BRCA2: variants seen among roughly 807,000 people sequenced by gnomAD.
BRCA2 encodes BRCA2 DNA repair associated.
Under a neutral mutation model 276.7 loss-of-function variants are expected in BRCA2, and 203 were observed. The ratio of observed to expected loss-of-function variants is 0.73; its 90% CI spans 0.65 to 0.82. BRCA2 has a LOEUF of 0.82. Among genes scored for constraint, BRCA2 ranks in the 40% least tolerant of loss-of-function variants. BRCA2 has a pLI of 0.00. For missense variants in BRCA2, 3,920 were observed against 3,915.0 expected, an observed-to-expected ratio of 1.00 and a Z score of -0.03; for synonymous variants, 1,289 against 1,338.4, an observed-to-expected ratio of 0.96 and a Z score of 0.81.
intron 24 of BRCA2, among the ~76,000 whole-genome samples, chr13:32,389,783 T>C (rs1381645884): frequency 6.6e-6 from 1 of 152,214 alleles, no homozygotes; most frequent in African/African-American, 2.4e-5. Flanking sequence ...TCACAATGTA[T>C]CCTGTAACAT....
chr13:32,334,169 G>C (rs1168201376), intron 10 of BRCA2, among the ~76,000 whole-genome samples: 2 of 152,080 alleles, frequency 1.3e-5, no homozygotes, highest in Non-Finnish European at 2.9e-5. Context: ...TGGTATTTTT[G>C]GTTCTAGGTC....
chr13:32,324,333 C>T (rs1179627768), intron 3 of BRCA2, among the ~76,000 whole-genome samples: 2 of 152,096 alleles, frequency 1.3e-5, no homozygotes, highest in African/African-American at 4.8e-5. Flanking sequence ...GTACAAAGTC[C>T]TAGAGGTTAA....
intron 21 of BRCA2, among the ~76,000 whole-genome samples, chr13:32,377,361 G>A (rs929590898): frequency 6.6e-6 from 1 of 152,178 alleles, no homozygotes; most frequent in African/African-American, 2.4e-5. Context: ...GGAGACCGAG[G>A]CAGAAGGATC....
chr13:32,398,235 C>G lies in BRCA2; in HGVS notation c.9722C>G (p.Ser3241Cys), dbSNP rs398122621. The G allele has an allele frequency of 1.9e-6, 3 of 1,613,856 alleles. No homozygotes were observed. The highest frequency in any genetic ancestry group is 2.5e-6 in the Non-Finnish European group (3 of 1,179,958). ...SLCMAKRKSV[S>C]TPVSAQMTSK... ...TGTATGGCCAAAAGGAAGTCTGTTT[C>G]CACACCTGTCTCAGCCCAGATGACT... The change falls in exon 27 of 27, where the codon TCC becomes TGC. Residue 3241 changes from serine to cysteine, a missense_variant. By Grantham distance (112) the Ser-to-Cys change is moderately radical (BLOSUM62 -1). This residue lies in a region of BRCA2 where 657 missense variants were observed against 758.2 expected (regional missense o/e 0.87). Transcript: ENST00000380152.
chr13:32,355,966 G>A (rs2072691172), intron 14 of BRCA2, among the ~76,000 whole-genome samples: 1 of 151,830 alleles, frequency 6.6e-6, no homozygotes, highest in Non-Finnish European at 1.5e-5. Flanking sequence ...AGAATTAAAA[G>A]GGGTACCCTT....
intron 18 of BRCA2, among the ~76,000 whole-genome samples, chr13:32,369,871 G>A (rs764169941): frequency 5.3e-5 from 8 of 152,202 alleles, no homozygotes; most frequent in Non-Finnish European, 8.8e-5. Context: ...ACCTTGCCTG[G>A]CCAAAGATTA....
At chr13:32,370,817 T>C (rs1384691112) in intron 19 of BRCA2, 139 bp from the exon 20 acceptor site, 2 of 1,122,694 alleles carry the variant, frequency 1.8e-6, no homozygotes, top group African/African-American at 1.6e-5. Flanking sequence ...GATCTCGAAC[T>C]CCTGACCTCA....
At position 32,316,517 on chromosome 13, in the gene BRCA2, C is replaced by T. The variant is rs878853592; in HGVS notation, c.57C>T (p.Cys19=). 8.1e-6 allele frequency: 13 copies of T among 1,613,722 alleles called. No homozygotes were observed. The highest frequency in any genetic ancestry group is 1.1e-5 in the Non-Finnish European group (13 of 1,179,700). ...TTTTTGAAATTTTTAAGACACGCTG[C>T]AACAAAGCAGGTATTGACAAATTTT... is the stretch of plus-strand genomic sequence containing the variant. The part of the protein sequence containing the change: ...PTFFEIFKTR[C]NKADLGPISL... The change falls in exon 2 of 27, where the codon TGC becomes TGT. Residue 19 remains cysteine (C), a synonymous_variant. Coordinates refer to ENST00000380152, the MANE Select transcript of BRCA2 (RefSeq NM_000059.4).
intron 9 of BRCA2, 55 bp from the exon 10 acceptor site, chr13:32,332,217 T>C: frequency 6.8e-7 from 1 of 1,461,454 alleles, no homozygotes; most frequent in Non-Finnish European, 9.4e-7. Context: ...GTGAGAATAA[T>C]ATAAATTATA....
chr13:32,373,203 G>T (rs912606610), intron 20 of BRCA2, among the ~76,000 whole-genome samples: 1 of 151,748 alleles, frequency 6.6e-6, no homozygotes, highest in Non-Finnish European at 1.5e-5. Flanking sequence ...TGTTGGCCAG[G>T]CTAGTCTTAA....
At chr13:32,391,959 T>A (rs2072999869) in intron 24 of BRCA2, among the ~76,000 whole-genome samples, 1 of 152,220 alleles carries the variant, frequency 6.6e-6, no homozygotes, top group African/African-American at 2.4e-5. Context: ...TCAATAAACA[T>A]GTATTTTATA....
In BRCA2 at chr13:32,340,906, AG is replaced by A. The variant is rs80359603; in HGVS notation, c.6553del (p.Ala2185LeufsTer6). On this transcript the variant is annotated frameshift_variant, in exon 11 of 27. Transcript: ENST00000380152. LOFTEE classifies it high-confidence loss of function. ...VENIHVLGKE[Q>X]ASPKNVKMEI... ...AACATTCATGTTTTGGGAAAAGAACAGGCTTCACCTAAAAACGTAAAAATGG... is the reference window on the plus strand; with the variant it reads ...AACATTCATGTTTTGGGAAAAGAACAGCTTCACCTAAAAACGTAAAAATGG... 1.2e-6 allele frequency: 2 copies of A among 1,609,108 alleles called. No individual in the cohort carries two copies. Among genetic ancestry groups the A allele is most frequent in the East Asian group, 2.2e-5 (1 of 44,804 alleles).
rs1566237718 is a variant in BRCA2, at chr13:32,346,806, TATAAA to T, written c.6938-16_6938-12del. 6.4e-7 allele frequency: 1 copy of T among 1,570,132 alleles called. No homozygotes were observed. Among genetic ancestry groups the T allele is most frequent in the Admixed American group, 1.7e-5 (1 of 59,166 alleles). ...CTCTTAGATTTTAACTAATATGTAA[TATAAA>T]ATAATTGTTTCCTAGGCACAATAAA... On this transcript the variant is annotated splice_polypyrimidine_tract_variant and intron_variant, in intron 12 of 26. Transcript: ENST00000380152.
At chr13:32,349,871 C>G (rs918649157) in intron 13 of BRCA2, among the ~76,000 whole-genome samples, 3 of 150,988 alleles carry the variant, frequency 2.0e-5, no homozygotes, top group African/African-American at 2.4e-5. Flanking sequence ...GCAACTGTCT[C>G]CTGCCCGCTC....
intron 16 of BRCA2, among the ~76,000 whole-genome samples, chr13:32,360,543 A>T (rs1339467538): frequency 2.0e-5 from 3 of 152,172 alleles, no homozygotes; most frequent in Non-Finnish European, 4.4e-5. Flanking sequence ...TGTTTTTAGT[A>T]GAGACAGGGT....
In BRCA2 at chr13:32,337,348, G is replaced by A. The variant is rs745925418; in HGVS notation, c.2993G>A (p.Gly998Asp). 6.2e-7 allele frequency: 1 copy of A among 1,613,720 alleles called. No homozygotes were observed. Among genetic ancestry groups the A allele is most frequent in the South Asian group, 1.1e-5 (1 of 91,058 alleles). Residue 998 changes from glycine (G) to aspartate (D), a missense_variant, in exon 11 of 27, where the codon GGT becomes GAT. Gly to Asp is a moderately conservative substitution (Grantham distance 94, BLOSUM62 -1). Coordinates refer to ENST00000380152, the MANE Select transcript of BRCA2 (RefSeq NM_000059.4). ...DYMNKWAGLL[G>D]PISNHSFGGS... ...ATGAACAAATGGGCAGGACTCTTAG[G>A]TCCAATTTCAAATCACAGTTTTGGA...
Position 32,340,090 on chromosome 13 carries a change from A to C in BRCA2, c.5735A>C (p.Glu1912Ala), listed in dbSNP as rs1566233113. Residue 1912 changes from glutamate to alanine, a missense_variant, in exon 11 of 27, where the codon GAA becomes GCA. Physicochemically the swap from Glu to Ala is moderately radical, Grantham distance 107. Transcript: ENST00000380152. ...DILHNSLDND[E>A]CSTHSHKVFA... is the part of the protein sequence containing the mutation. ...CTTCATAACTCTCTAGATAATGATG[A>C]ATGTAGCACGCATTCACATAAGGTT... 1 of 1,613,930 alleles carries C rather than the reference A, an allele frequency of 6.2e-7. No homozygotes were observed. Among genetic ancestry groups the C allele is most frequent in the East Asian group, 2.2e-5 (1 of 44,852 alleles).
At chr13:32,361,442 T>A (rs1054836520) in intron 16 of BRCA2, among the ~76,000 whole-genome samples, 1 of 152,206 alleles carries the variant, frequency 6.6e-6, no homozygotes, top group African/African-American at 2.4e-5. Flanking sequence ...TCGATTCTTT[T>A]GGGAGTTGCC....
In BRCA2 at chr13:32,353,301, G is replaced by A. The variant is rs118097643; in HGVS notation, c.7008-1560G>A. On this transcript the variant is annotated intron_variant, in intron 13 of 26. Transcript: ENST00000380152. ...CTCTTTGAGTACTCTCCTGAACCCA[G>A]TCTAGTCAGTCCTTTCAGTAGAACT... 3.4e-3 allele frequency among the ~76,000 whole-genome samples: 511 copies of A among 152,224 alleles called. 3 individuals are homozygous for A. Among genetic ancestry groups the A allele is most frequent in the Non-Finnish European group, 5.3e-3 (362 of 68,012 alleles).
Sources: allele counts gnomAD v4.1 joint callset (sites outside exome capture counted in the v4.1 genomes callset), GRCh38; gene constraint gnomAD v4.1.1; regional missense constraint gnomAD v4.1.1; transcripts MANE v1.5; gene names NCBI Gene and HGNC (gene_info 2026-07-23, HGNC 2026-07-21).